Variants in KCNIP3 observed in about 807,000 individuals in gnomAD.
The protein encoded by KCNIP3 is calsenilin.
A neutral mutation model predicts 35.0 loss-of-function variants in KCNIP3; 28 were observed. The observed-to-expected ratio is 0.80, with a 90% confidence interval of 0.59 to 1.10. The LOEUF is 1.10. KCNIP3 is among the 50% of genes least tolerant of loss of function. The probability of loss-of-function intolerance (pLI) is 0.00; values close to 1 mark genes in which losing one functional copy is unlikely to be tolerated. For synonymous variants in KCNIP3, 134 were observed against 133.8 expected (o/e 1.00, Z -0.01); for missense variants, 295 against 338.4 (o/e 0.87, Z 1.01).
chr2:95,368,606 C>A, intron 2 of KCNIP3: 1 of 373,500 alleles, frequency 2.7e-6, no homozygotes, highest in Non-Finnish European at 5.3e-6. Context: ...TTTGCCATCC[C>A]GTTTCTGTGT....
chr2:95,308,736 C>T (rs919675404), intron 1 of KCNIP3, among the ~76,000 whole-genome samples: 7 of 152,202 alleles, frequency 4.6e-5, no homozygotes, highest in African/African-American at 1.7e-4. Flanking sequence ...CTGTGCTTCC[C>T]TGCAGGCTGT....
chr2:95,326,175 A>G (rs1185026473), intron 2 of KCNIP3, among the ~76,000 whole-genome samples: 1 of 151,856 alleles, frequency 6.6e-6, no homozygotes, highest in Non-Finnish European at 1.5e-5. Context: ...ATATACACAT[A>G]TACACAGTCA....
At chr2:95,349,298 G>A (rs535426075) in intron 2 of KCNIP3, among the ~76,000 whole-genome samples, 12 of 152,306 alleles carry the variant, frequency 7.9e-5, no homozygotes, top group Non-Finnish European at 1.6e-4. Flanking sequence ...GGGGACTGTT[G>A]CCCCAGCTCT....
At chr2:95,357,393 GT>G (rs1573510410) in intron 2 of KCNIP3, among the ~76,000 whole-genome samples, 1 of 152,174 alleles carries the variant, frequency 6.6e-6, no homozygotes, top group East Asian at 1.9e-4. Flanking sequence ...CCATTTCATG[GT>G]GTGCTGGATG....
chr2:95,347,130 G>A, intron 2 of KCNIP3: 1 of 1,605,440 alleles, frequency 6.2e-7, no homozygotes, highest in Non-Finnish European at 8.5e-7. Context: ...AAGGTAACGC[G>A]TGGCCACTTG....
intron 1 of KCNIP3, among the ~76,000 whole-genome samples, chr2:95,300,068 C>T (rs2104193492): frequency 6.6e-6 from 1 of 152,346 alleles, no homozygotes; most frequent in Middle Eastern, 3.4e-3. Context: ...CAGCAAGTCC[C>T]TAGGGCTTGG....
intron 2 of KCNIP3, among the ~76,000 whole-genome samples, chr2:95,359,364 A>G (rs1357393242): frequency 2.0e-5 from 3 of 152,234 alleles, no homozygotes; most frequent in Admixed American, 6.5e-5. Context: ...ACCGGCAAGA[A>G]AAAAGGGGGT....
intron 2 of KCNIP3, among the ~76,000 whole-genome samples, chr2:95,352,074 C>A (rs1479991760): frequency 6.6e-6 from 1 of 152,058 alleles, no homozygotes; most frequent in Non-Finnish European, 1.5e-5. Flanking sequence ...ACCAGCCTGG[C>A]CAACATGGTA....
intron 2 of KCNIP3, among the ~76,000 whole-genome samples, chr2:95,314,651 T>C (rs1678407040): frequency 6.6e-6 from 1 of 152,246 alleles, no homozygotes; most frequent in Non-Finnish European, 1.5e-5. Context: ...TGGCCCTTGA[T>C]GCCAGTTGGT....
intron 2 of KCNIP3, among the ~76,000 whole-genome samples, chr2:95,365,734 T>A (rs1679902278): frequency 6.6e-6 from 1 of 152,210 alleles, no homozygotes; most frequent in Admixed American, 6.5e-5. Flanking sequence ...AAGTTCATCC[T>A]ACTCTGTAGT....
chr2:95,340,894 G>A (rs1490888714), intron 2 of KCNIP3, among the ~76,000 whole-genome samples: 4 of 152,206 alleles, frequency 2.6e-5, no homozygotes, highest in Admixed American at 2.0e-4. Context: ...CTTTCCATGT[G>A]TGACATAGTA....
intron 2 of KCNIP3, among the ~76,000 whole-genome samples, chr2:95,319,872 A>G (rs561368206): frequency 6.6e-6 from 1 of 152,168 alleles, no homozygotes; most frequent in South Asian, 2.1e-4. Context: ...TAAGCCTCGT[A>G]TTGGATTAGG....
rs554675677 is a variant in KCNIP3 at position 95,363,695 on chromosome 2, T to C, written c.182-10601T>C. 5.9e-5 allele frequency among the ~76,000 whole-genome samples: 9 copies of C among 152,366 alleles called. No homozygotes were observed. In the South Asian group the frequency reaches 6.2e-4, roughly 11 times the overall value. ...ACTTTGGGGAGAAATGACATTAATA[T>C]GTGGCCATAAGATGGAATGTCTCAT... On this transcript the variant is annotated intron_variant, in intron 2 of 8. Transcript: ENST00000295225.
rs1678753533 is a variant in KCNIP3 at position 95,325,902 on chromosome 2, C to T, written c.181+15382C>T. ...AGACATACACACACTCATAGACACA[C>T]ATTCACTCATACACATACACACTCA... On this transcript the variant is annotated intron_variant, in intron 2 of 8. Transcript: ENST00000295225. Among the ~76,000 whole-genome samples the T allele has an allele frequency of 3.3e-5, 5 of 151,358 alleles. No individual in the cohort carries two copies. In the South Asian group the frequency reaches 1.1e-3, roughly 32 times the overall value.
chr2:95,338,094 C>G (rs1679106670), intron 2 of KCNIP3, among the ~76,000 whole-genome samples: 2 of 152,290 alleles, frequency 1.3e-5, no homozygotes, highest in South Asian at 2.1e-4. Flanking sequence ...GGCAGAGGCC[C>G]CGAGGCATCG....
At chr2:95,355,178 C>A (rs1047487106) in intron 2 of KCNIP3, 3 of 152,144 alleles carry the variant, frequency 2.0e-5, no homozygotes, top group African/African-American at 7.2e-5. Flanking sequence ...TGTGTCCCAG[C>A]CTCTTACAGG....
At chr2:95,297,584 G>A (rs1558754889) in intron 1 of KCNIP3, 131 bp downstream of exon 1, 1 of 769,214 alleles carries the variant, frequency 1.3e-6, no homozygotes, top group South Asian at 1.8e-5. Context: ...CTTTCCTTTG[G>A]GGAAAGTGAG....
chr2:95,329,497 CA>C (rs1678874114), intron 2 of KCNIP3, among the ~76,000 whole-genome samples: 1 of 152,248 alleles, frequency 6.6e-6, no homozygotes, highest in Non-Finnish European at 1.5e-5. Context: ...GCCCATCCTA[CA>C]GGGGGGTTAA....
At chr2:95,299,242 G>A (rs1677958004) in intron 1 of KCNIP3, 1 of 152,306 alleles carries the variant, frequency 6.6e-6, no homozygotes, top group Non-Finnish European at 1.5e-5. Flanking sequence ...GCCAGGGAGG[G>A]GAGTGGGACC....
Sources: gnomAD v4.1 joint callset for allele counts (sites outside exome capture counted in the v4.1 genomes callset) on GRCh38, gnomAD v4.1.1 for gene constraint, MANE v1.5 for transcripts, NCBI Gene and HGNC (gene_info 2026-07-23, HGNC 2026-07-21) for gene names.